The following PARD3 variants were observed in gnomAD, a reference collection of about 807,000 sequenced individuals.
PARD3 encodes the protein par-3 family cell polarity regulator, also known as partitioning defective 3 homolog.
A neutral mutation model predicts 155.4 loss-of-function variants in PARD3; 75 were observed. That is an observed-to-expected ratio of 0.48 (90% CI 0.40 to 0.58). PARD3 has a LOEUF of 0.58. Ranked by LOEUF, PARD3 falls within the 20% of genes least tolerant of loss-of-function variation. The pLI, the probability that PARD3 is intolerant of heterozygous loss-of-function variation, is 0.00. For synonymous variants in PARD3, 576 were observed against 610.5 expected (o/e 0.94, Z 0.83); for missense variants, 1,642 against 1,721.7 (o/e 0.95, Z 0.82).
At chr10:34,237,595 A>T (rs1467001577) in intron 22 of PARD3, among the ~76,000 whole-genome samples, 2 of 152,206 alleles carry the variant, frequency 1.3e-5, no homozygotes, top group African/African-American at 4.8e-5. Flanking sequence ...AAAGGCAGGA[A>T]GTAAATCTTC....
chr10:34,570,357 C>T (rs2086292200), intron 2 of PARD3, among the ~76,000 whole-genome samples: 1 of 152,004 alleles, frequency 6.6e-6, no homozygotes, highest in Non-Finnish European at 1.5e-5. Context: ...TTATTGAGTT[C>T]CAAATTGTGA....
intron 1 of PARD3, among the ~76,000 whole-genome samples, chr10:34,767,535 C>CAA (rs1228703857): frequency 6.6e-6 from 1 of 151,970 alleles, no homozygotes; most frequent in Non-Finnish European, 1.5e-5. Flanking sequence ...AGGTTACTTC[C>CAA]AAAAAGACTT....
At chr10:34,362,969 G>A (rs1179976656) in intron 12 of PARD3, among the ~76,000 whole-genome samples, 3 of 152,120 alleles carry the variant, frequency 2.0e-5, no homozygotes, top group Non-Finnish European at 4.4e-5. Context: ...AAATTATTCT[G>A]TCAATCAGTA....
chr10:34,396,879 A>G (rs1272887501), intron 7 of PARD3, among the ~76,000 whole-genome samples: 1 of 152,160 alleles, frequency 6.6e-6, no homozygotes, highest in Non-Finnish European at 1.5e-5. Context: ...TTTACAAGCT[A>G]TCATCACATT....
At chr10:34,538,111 C>A (rs943594548) in intron 2 of PARD3, among the ~76,000 whole-genome samples, 2 of 152,242 alleles carry the variant, frequency 1.3e-5, no homozygotes, top group African/African-American at 2.4e-5. Context: ...CGCCACTGCA[C>A]TCCAGCCTGG....
chr10:34,351,106 T>C (rs1476555326), intron 14 of PARD3, among the ~76,000 whole-genome samples: 1 of 152,170 alleles, frequency 6.6e-6, no homozygotes, highest in Non-Finnish European at 1.5e-5. Context: ...AGCCAAATAG[T>C]GTCTTTCACC....
chr10:34,365,941 T>C (rs540360135), intron 12 of PARD3, among the ~76,000 whole-genome samples: 1 of 152,256 alleles, frequency 6.6e-6, no homozygotes, highest in African/African-American at 2.4e-5. Flanking sequence ...CAGACACAAA[T>C]ATATATATGA....
chr10:34,517,984 T>C (rs922053049), intron 2 of PARD3, among the ~76,000 whole-genome samples: 1 of 152,182 alleles, frequency 6.6e-6, no homozygotes. Flanking sequence ...GTTCAAGTGA[T>C]TCTCCTGCCT....
At chr10:34,527,603 C>G (rs2082567891) in intron 2 of PARD3, among the ~76,000 whole-genome samples, 1 of 152,136 alleles carries the variant, frequency 6.6e-6, no homozygotes, top group Non-Finnish European at 1.5e-5. Flanking sequence ...ATATCAAACC[C>G]ACCACTTCTG....
At chr10:34,518,125 C>A (rs974956078) in intron 2 of PARD3, among the ~76,000 whole-genome samples, 4 of 152,160 alleles carry the variant, frequency 2.6e-5, no homozygotes, top group Admixed American at 6.5e-5. Context: ...CTGTTCTGCC[C>A]GCCTCAGCCT....
Position 34,803,319 on chromosome 10 carries a change from T to C in PARD3, c.120+11557A>G, listed in dbSNP as rs181883545. 2.9e-4 allele frequency among the ~76,000 whole-genome samples: 44 copies of C among 152,102 alleles called. 1 individual carries two copies. The highest frequency in any genetic ancestry group is 1.0e-3 in the African/African-American group (42 of 41,488). On this transcript the variant is annotated intron_variant, in intron 1 of 24. Coordinates refer to ENST00000374788, the MANE Select transcript of PARD3 (RefSeq NM_001184785.2). ...CAAAGGTACTTCTCTTAACTCTCCA[T>C]AAATGTCTGGGAGAGATTCCTCTTC...
chr10:34,615,238 G>C (rs529342941), intron 2 of PARD3, among the ~76,000 whole-genome samples: 5 of 151,990 alleles, frequency 3.3e-5, no homozygotes, highest in Non-Finnish European at 5.9e-5. Context: ...AAAAAACAAA[G>C]CTACAGTAAC....
intron 4 of PARD3, among the ~76,000 whole-genome samples, chr10:34,465,479 C>T (rs867266900): frequency 6.6e-6 from 1 of 152,038 alleles, no homozygotes; most frequent in Admixed American, 6.5e-5. Flanking sequence ...TTGTGTGTAT[C>T]GGGGGTATTG....
In PARD3 at chr10:34,343,770, T is replaced by C. The variant is rs565831096; in HGVS notation, c.2219-1954A>G. 1.5e-4 allele frequency: 152 copies of C among 984,948 alleles called. 1 individual carries two copies. In the African/African-American group the frequency reaches 2.3e-3, roughly 15 times the overall value. 61.0% of individuals were successfully genotyped at this position (984,948 alleles called of 1,614,324 possible). A position where few individuals can be genotyped will look rare whatever the true frequency, so the allele number is the denominator to read the frequency against. On this transcript the variant is annotated intron_variant, in intron 15 of 24. Transcript: ENST00000374788. The stretch of plus-strand genomic sequence containing the variant: ...ACTTGAGAAGGCTTCAATTTATTTC[T>C]GATAGGTAAACTTTCCTCTATCTTC...
intron 1 of PARD3, among the ~76,000 whole-genome samples, chr10:34,770,672 A>C (rs1838745036): frequency 6.6e-6 from 1 of 151,944 alleles, no homozygotes; most frequent in African/African-American, 2.4e-5. Context: ...TGGACAGATG[A>C]CTCTCCCACC....
At chr10:34,573,665 C>A (rs1040497198) in intron 2 of PARD3, among the ~76,000 whole-genome samples, 5 of 151,808 alleles carry the variant, frequency 3.3e-5, no homozygotes, top group African/African-American at 1.2e-4. Context: ...CGAGATCATG[C>A]CACTGCACTC....
chr10:34,138,925 G>C (rs993233944), intron 22 of PARD3, among the ~76,000 whole-genome samples: 1 of 148,030 alleles, frequency 6.8e-6, no homozygotes, highest in Non-Finnish European at 1.5e-5. Flanking sequence ...TTTCCAAATT[G>C]TATCAACAAT....
chr10:34,341,840 A>G (rs1472522642), intron 15 of PARD3, 24 bp from the exon 16 acceptor site: 23 of 1,420,992 alleles, frequency 1.6e-5, no homozygotes, highest in Non-Finnish European at 2.2e-5. Context: ...AAAGAAGAAG[A>G]GAAAATTCTA....
chr10:34,743,950 T>C (rs1056346046), intron 1 of PARD3, among the ~76,000 whole-genome samples: 4 of 152,190 alleles, frequency 2.6e-5, no homozygotes, highest in Non-Finnish European at 5.9e-5. Flanking sequence ...TTTGCACTCA[T>C]GGCTGCCTGG....
Sources: gnomAD v4.1 joint callset for allele counts (sites outside exome capture counted in the v4.1 genomes callset) on GRCh38, gnomAD v4.1.1 for gene constraint, MANE v1.5 for transcripts, NCBI Gene and HGNC (gene_info 2026-07-23, HGNC 2026-07-21) for gene names.